The following MCPH1 variants were observed in gnomAD, a reference collection of about 807,000 sequenced individuals.
The protein encoded by MCPH1 is microcephalin 1, also known as microcephalin.
In MCPH1, 104 loss-of-function variants were observed where a neutral mutation model predicts 84.5. That is an observed-to-expected ratio of 1.23 (90% CI 1.05 to 1.45). The LOEUF (loss-of-function observed/expected upper bound fraction) is 1.45. Among genes scored for constraint, MCPH1 ranks in the 40% most tolerant of loss-of-function variants. The pLI, the probability that MCPH1 is intolerant of heterozygous loss-of-function variation, is 0.00. For synonymous variants in MCPH1, 514 were observed against 366.8 expected, an observed-to-expected ratio of 1.40 and a Z score of -4.58; for missense variants, 1,498 against 1,005.7, an observed-to-expected ratio of 1.49 and a Z score of -6.62.
At chr8:6,500,513 T>C (rs185700754) in intron 12 of MCPH1, 8 of 154,294 alleles carry the variant, frequency 5.2e-5, no homozygotes, top group Admixed American at 4.5e-4. Flanking sequence ...ATTCAAAAGA[T>C]TAATAGCTGA....
At chr8:6,595,798 T>G (rs927993729) in intron 12 of MCPH1, among the ~76,000 whole-genome samples, 2 of 152,126 alleles carry the variant, frequency 1.3e-5, no homozygotes, top group East Asian at 3.9e-4. Context: ...GGGCAAGAGT[T>G]GATGCAGACA....
chr8:6,496,683 G>A (rs545850012), intron 11 of MCPH1, among the ~76,000 whole-genome samples: 1 of 152,136 alleles, frequency 6.6e-6, no homozygotes, highest in Non-Finnish European at 1.5e-5. Context: ...TAAATGTAGT[G>A]TTATGACTAA....
intron 11 of MCPH1, among the ~76,000 whole-genome samples, chr8:6,482,385 A>G (rs1809352934): frequency 6.6e-6 from 1 of 152,248 alleles, no homozygotes; most frequent in Non-Finnish European, 1.5e-5. Context: ...AGTTTTAGGC[A>G]TCCCCCAGGG....
At chr8:6,545,453 T>C (rs976700469) in intron 12 of MCPH1, among the ~76,000 whole-genome samples, 1 of 152,228 alleles carries the variant, frequency 6.6e-6, no homozygotes, top group Non-Finnish European at 1.5e-5. Flanking sequence ...GTTTTATTTG[T>C]CTCTGCAGTT....
rs11459930 is a variant in MCPH1 at position 6,453,396 on chromosome 8, CTTT to C, written c.1826-1737_1826-1735del. Reference sequence around the variant, plus strand: ...GTGAAAACATGTTAACAATATCAGTCTTTTTTTTTTTTAATATCAGTCTTTCTT... The same window carrying C: ...GTGAAAACATGTTAACAATATCAGTCTTTTTTTTTAATATCAGTCTTTCTT... On this transcript the variant is annotated intron_variant, in intron 8 of 13. Coordinates refer to ENST00000344683, the MANE Select transcript of MCPH1 (RefSeq NM_024596.5). Among the ~76,000 whole-genome samples the C allele has an allele frequency of 1.3e-4, 19 of 147,480 alleles. No individual in the cohort carries two copies. In the East Asian group the frequency reaches 3.2e-3, roughly 24 times the overall value.
chr8:6,484,683 C>G (rs1232342435), intron 11 of MCPH1, among the ~76,000 whole-genome samples: 1 of 152,230 alleles, frequency 6.6e-6, no homozygotes, highest in Non-Finnish European at 1.5e-5. Context: ...GAGTGTCACT[C>G]AGGAGTCGAA....
At chr8:6,619,400 C>T (rs1831182855) in intron 12 of MCPH1, among the ~76,000 whole-genome samples, 1 of 152,162 alleles carries the variant, frequency 6.6e-6, no homozygotes, top group Non-Finnish European at 1.5e-5. Context: ...AAGCGATTCT[C>T]CTGCCTCAGC....
intron 12 of MCPH1, among the ~76,000 whole-genome samples, chr8:6,609,880 G>T (rs111512283): frequency 9.7e-4 from 144 of 148,264 alleles, no homozygotes; most frequent in African/African-American, 3.4e-3. Context: ...TGCAGGTCAT[G>T]GTTGCCTTAT....
chr8:6,585,385 C>A (rs148099421), intron 12 of MCPH1, among the ~76,000 whole-genome samples: 3 of 152,178 alleles, frequency 2.0e-5, no homozygotes, highest in African/African-American at 7.2e-5. Flanking sequence ...GTGTGGCCAC[C>A]ACAGCTGGAA....
intron 12 of MCPH1, among the ~76,000 whole-genome samples, chr8:6,577,500 G>C (rs1263462543): frequency 1.3e-5 from 2 of 152,202 alleles, no homozygotes; most frequent in East Asian, 1.9e-4. Flanking sequence ...TGTCCTTCCA[G>C]ATAATTTTTC....
intron 8 of MCPH1, among the ~76,000 whole-genome samples, chr8:6,449,942 C>T (rs993199965): frequency 1.3e-5 from 2 of 152,140 alleles, no homozygotes; most frequent in African/African-American, 2.4e-5. Flanking sequence ...TTGCTTTTCA[C>T]GAAGGAGACA....
chr8:6,414,693 T>G (rs1284283944), intron 2 of MCPH1, 72 bp from the exon 3 acceptor site: 1 of 1,547,774 alleles, frequency 6.5e-7, no homozygotes, highest in Non-Finnish European at 8.8e-7. Context: ...GGGGTAGAGG[T>G]TTTTTGATCA....
chr8:6,406,976 C>G lies in MCPH1; in HGVS notation c.22+287C>G, dbSNP rs538728119. 6.3e-4 allele frequency: 307 copies of G among 488,406 alleles called. 1 individual carries two copies. The highest frequency in any genetic ancestry group is 3.9e-3 in the African/African-American group (160 of 41,228). The allele number at this position is 488,406 out of a possible 1,614,324, so 30.3% of individuals were successfully genotyped here. A position where few individuals can be genotyped will look rare whatever the true frequency, so the allele number is the denominator to read the frequency against. ...ACCCCCGACTGCCTGCTTCCTCCCC[C>G]GTACTGCTTGTGCCCCAACCCCCGT... On this transcript the variant is annotated intron_variant, in intron 1 of 13. Coordinates refer to ENST00000344683, the MANE Select transcript of MCPH1 (RefSeq NM_024596.5).
intron 2 of MCPH1, among the ~76,000 whole-genome samples, chr8:6,411,577 A>T (rs189295591): frequency 8.5e-5 from 13 of 152,312 alleles, no homozygotes; most frequent in African/African-American, 3.1e-4. Flanking sequence ...AGTGAGAACA[A>T]ATCTTCTAAT....
intron 12 of MCPH1, among the ~76,000 whole-genome samples, chr8:6,578,055 C>T (rs942653015): frequency 5.3e-5 from 8 of 152,288 alleles, no homozygotes; most frequent in Middle Eastern, 3.4e-3. Flanking sequence ...GAGCCTCACT[C>T]CCCTGCTCAG....
intron 3 of MCPH1, among the ~76,000 whole-genome samples, chr8:6,423,583 T>G (rs1800592880): frequency 6.6e-6 from 1 of 152,220 alleles, no homozygotes; most frequent in African/African-American, 2.4e-5. Context: ...ATGTAAGCAG[T>G]GTCCTATTGG....
intron 9 of MCPH1, among the ~76,000 whole-genome samples, chr8:6,460,113 C>G (rs569688396): frequency 9.3e-4 from 141 of 151,880 alleles, no homozygotes; most frequent in Non-Finnish European, 9.3e-4. Flanking sequence ...GTTCTGGAAA[C>G]TTCTCCACTG....
intron 12 of MCPH1, among the ~76,000 whole-genome samples, chr8:6,575,807 G>A (rs886321817): frequency 6.6e-6 from 1 of 152,128 alleles, no homozygotes; most frequent in South Asian, 2.1e-4. Context: ...TGACAACGCA[G>A]GTAGGGACAG....
intron 12 of MCPH1, chr8:6,519,859 C>A: frequency 1.2e-6 from 2 of 1,613,556 alleles, no homozygotes; most frequent in Non-Finnish European, 8.5e-7. Context: ...AGACGAATAC[C>A]TCACCTTGAT....
Sources: gnomAD v4.1 joint callset for allele counts (sites outside exome capture counted in the v4.1 genomes callset) on GRCh38, gnomAD v4.1.1 for gene constraint, MANE v1.5 for transcripts, NCBI Gene and HGNC (gene_info 2026-07-23, HGNC 2026-07-21) for gene names.